Variants in DOK5 observed in about 807,000 individuals in gnomAD.
DOK5 encodes the protein docking protein 5.
A neutral mutation model predicts 43.3 loss-of-function variants in DOK5; 27 were observed. The ratio of observed to expected loss-of-function variants is 0.62; its 90% CI spans 0.46 to 0.86. DOK5 has a LOEUF of 0.86. Ranked by LOEUF, DOK5 falls within the 40% of genes least tolerant of loss-of-function variation. The pLI is 0.00. For missense variants in DOK5, 373 were observed against 392.9 expected, an observed-to-expected ratio of 0.95 and a Z score of 0.43; for synonymous variants, 146 against 140.1, an observed-to-expected ratio of 1.04 and a Z score of -0.30.
At chr20:54,579,535 T>C (rs1985567333) in intron 2 of DOK5, among the ~76,000 whole-genome samples, 1 of 152,112 alleles carries the variant, frequency 6.6e-6, no homozygotes, top group African/African-American at 2.4e-5. Flanking sequence ...GAATTCTATA[T>C]TCGTTAAACA....
At chr20:54,641,026 A>G (rs958420453) in intron 6 of DOK5, among the ~76,000 whole-genome samples, 3 of 152,230 alleles carry the variant, frequency 2.0e-5, no homozygotes, top group African/African-American at 7.2e-5. Flanking sequence ...TAGTATGTAC[A>G]TAGATCAAAA....
At chr20:54,554,389 C>A (rs28646056) in intron 1 of DOK5, among the ~76,000 whole-genome samples, 3,075 of 152,296 alleles carry the variant, frequency 0.02, 101 homozygotes, top group African/African-American at 0.07. Context: ...TGGTAGTAAT[C>A]TTCAAGTCTC....
intron 6 of DOK5, among the ~76,000 whole-genome samples, chr20:54,639,730 T>C (rs1392694916): frequency 6.6e-6 from 1 of 152,204 alleles, no homozygotes; most frequent in Non-Finnish European, 1.5e-5. Flanking sequence ...TCTGTGGCTT[T>C]AGCAGAAGGA....
rs77663464 is a variant in DOK5, at chr20:54,529,326, C to T, written c.67-25607C>T. ...TTTAATATTCTAAACCTCAACTTCT[C>T]ACCTTGAAATACTACTACTAATAAT... On this transcript the variant is annotated intron_variant, in intron 1 of 7. Transcript: ENST00000262593. Among the ~76,000 whole-genome samples the T allele has an allele frequency of 3.1e-3, 470 of 152,268 alleles. 2 individuals are homozygous for T. Among genetic ancestry groups the T allele is most frequent in the African/African-American group, 0.01 (433 of 41,564 alleles).
At chr20:54,495,360 G>T (rs1359948817) in intron 1 of DOK5, among the ~76,000 whole-genome samples, 3 of 152,160 alleles carry the variant, frequency 2.0e-5, no homozygotes, top group Non-Finnish European at 4.4e-5. Context: ...GTTATAGCTC[G>T]TTGTAGCCAG....
intron 2 of DOK5, among the ~76,000 whole-genome samples, chr20:54,584,774 T>TAC (rs139033675): frequency 0.093 from 13,673 of 146,552 alleles, 1,296 homozygotes; most frequent in African/African-American, 0.25. Flanking sequence ...TATCTAGATA[T>TAC]ACACACACAC....
At chr20:54,477,178 A>C (rs1222257560) in intron 1 of DOK5, among the ~76,000 whole-genome samples, 4 of 152,104 alleles carry the variant, frequency 2.6e-5, no homozygotes, top group Non-Finnish European at 5.9e-5. Flanking sequence ...AATATGTGTC[A>C]TTTGGCATCT....
intron 1 of DOK5, among the ~76,000 whole-genome samples, chr20:54,504,218 G>T (rs1218047000): frequency 6.6e-6 from 1 of 152,062 alleles, no homozygotes; most frequent in African/African-American, 2.4e-5. Context: ...CTACAATAAG[G>T]CTACCTTTGT....
At chr20:54,546,663 A>G (rs367867836) in intron 1 of DOK5, among the ~76,000 whole-genome samples, 1 of 152,242 alleles carries the variant, frequency 6.6e-6, no homozygotes, top group African/African-American at 2.4e-5. Context: ...GAGAAAGTCA[A>G]TGTGATTACA....
chr20:54,525,650 G>A (rs943541078), intron 1 of DOK5, among the ~76,000 whole-genome samples: 1 of 152,206 alleles, frequency 6.6e-6, no homozygotes, highest in African/African-American at 2.4e-5. Context: ...TATTAGCTGG[G>A]AGAGTTAAAT....
chr20:54,542,081 A>G (rs1189785934), intron 1 of DOK5, among the ~76,000 whole-genome samples: 2 of 147,714 alleles, frequency 1.4e-5, no homozygotes, highest in African/African-American at 2.6e-5. Flanking sequence ...GCATCACACC[A>G]TGAGACATAT....
At chr20:54,600,232 G>A (rs1986263780) in intron 5 of DOK5, among the ~76,000 whole-genome samples, 1 of 152,124 alleles carries the variant, frequency 6.6e-6, no homozygotes, top group African/African-American at 2.4e-5. Flanking sequence ...ATGCAGCGGG[G>A]TCAGGCCATG....
chr20:54,532,090 C>T (rs1044320681), intron 1 of DOK5, among the ~76,000 whole-genome samples: 1 of 152,174 alleles, frequency 6.6e-6, no homozygotes, highest in African/African-American at 2.4e-5. Flanking sequence ...ATACCCTCCA[C>T]CTCTGGAAGT....
intron 2 of DOK5, among the ~76,000 whole-genome samples, chr20:54,587,300 C>A (rs1196560277): frequency 1.3e-5 from 2 of 152,052 alleles, no homozygotes; most frequent in Non-Finnish European, 1.5e-5. Flanking sequence ...ATGAAAAGGG[C>A]TGATGGAGAT....
chr20:54,609,166 C>T (rs937387464), intron 5 of DOK5, among the ~76,000 whole-genome samples: 29 of 152,166 alleles, frequency 1.9e-4, no homozygotes, highest in African/African-American at 7.0e-4. Context: ...ATAGACTGGG[C>T]TAGACTAAAA....
At chr20:54,578,883 A>G (rs1392468296) in intron 2 of DOK5, among the ~76,000 whole-genome samples, 1 of 152,170 alleles carries the variant, frequency 6.6e-6, no homozygotes, top group Non-Finnish European at 1.5e-5. Flanking sequence ...TATTGAGATG[A>G]GTGGTCTTTA....
intron 1 of DOK5, among the ~76,000 whole-genome samples, chr20:54,553,444 C>A (rs1984598884): frequency 6.6e-6 from 1 of 151,884 alleles, no homozygotes; most frequent in Non-Finnish European, 1.5e-5. Flanking sequence ...ATCCGCCGGC[C>A]TCGGCCTCCC....
chr20:54,580,636 T>G (rs898650777), intron 2 of DOK5, among the ~76,000 whole-genome samples: 1 of 152,190 alleles, frequency 6.6e-6, no homozygotes, highest in African/African-American at 2.4e-5. Flanking sequence ...TTCTGATATA[T>G]CCATTGGTCA....
intron 1 of DOK5, among the ~76,000 whole-genome samples, chr20:54,527,864 A>G (rs1362931831): frequency 6.6e-6 from 1 of 152,214 alleles, no homozygotes; most frequent in African/African-American, 2.4e-5. Context: ...GTAAAGGAGA[A>G]CACTGTGGAA....
Sources: gnomAD v4.1 joint callset for allele counts (sites outside exome capture counted in the v4.1 genomes callset) on GRCh38, gnomAD v4.1.1 for gene constraint, MANE v1.5 for transcripts, NCBI Gene and HGNC (gene_info 2026-07-23, HGNC 2026-07-21) for gene names.